GPR158: variants seen among roughly 807,000 people sequenced by gnomAD.
GPR158 encodes the protein metabotropic glycine receptor.
Under a neutral mutation model 78.2 loss-of-function variants are expected in GPR158, and 30 were observed. The observed-to-expected ratio is 0.38, with a 90% CI of 0.29 to 0.52. The LOEUF (loss-of-function observed/expected upper bound fraction) is 0.52. Ranked by LOEUF, GPR158 falls within the 20% of genes least tolerant of loss-of-function variation. GPR158 has a pLI of 0.83. For missense variants in GPR158, 1,463 were observed against 1,523.5 expected (o/e 0.96, Z 0.66); for synonymous variants, 581 against 591.1 (o/e 0.98, Z 0.25).
intron 7 of GPR158, among the ~76,000 whole-genome samples, chr10:25,574,095 TCCTTGTA>T (rs1295185940): frequency 6.9e-6 from 1 of 145,148 alleles, no homozygotes; most frequent in African/African-American, 2.6e-5. Flanking sequence ...AAAAATCATT[TCCTTGTA>T]TTCTTATGAA....
At chr10:25,507,427 ACTAT>A (rs909589869) in intron 5 of GPR158, among the ~76,000 whole-genome samples, 2 of 152,216 alleles carry the variant, frequency 1.3e-5, no homozygotes, top group African/African-American at 4.8e-5. Context: ...GATAGAAAAC[ACTAT>A]CTATAAAACA....
intron 2 of GPR158, among the ~76,000 whole-genome samples, chr10:25,391,158 G>A (rs1178508443): frequency 6.6e-6 from 1 of 152,250 alleles, no homozygotes; most frequent in East Asian, 1.9e-4. Context: ...CCAGTCAGAG[G>A]TGTGCTGCAG....
chr10:25,230,312 G>A (rs942676304), intron 2 of GPR158, among the ~76,000 whole-genome samples: 3 of 152,188 alleles, frequency 2.0e-5, no homozygotes, highest in African/African-American at 7.2e-5. Context: ...TAAGTCAACA[G>A]TATGGTGTGG....
chr10:25,508,812 C>G (rs1836047181), intron 5 of GPR158, among the ~76,000 whole-genome samples: 1 of 152,186 alleles, frequency 6.6e-6, no homozygotes, highest in South Asian at 2.1e-4. Flanking sequence ...GGGTATTTGA[C>G]CAGCCCCTCT....
At chr10:25,335,546 T>G (rs1855185901) in intron 2 of GPR158, among the ~76,000 whole-genome samples, 2 of 152,032 alleles carry the variant, frequency 1.3e-5, no homozygotes, top group African/African-American at 4.8e-5. Flanking sequence ...TTTTCCTAAA[T>G]GCAGGAGTTT....
At chr10:25,588,852 A>G (rs1837303611) in intron 7 of GPR158, among the ~76,000 whole-genome samples, 155 bp from the exon 8 acceptor site, 1 of 152,250 alleles carries the variant, frequency 6.6e-6, no homozygotes, top group African/African-American at 2.4e-5. Flanking sequence ...AATGAAATTT[A>G]AAAATATATG....
intron 2 of GPR158, among the ~76,000 whole-genome samples, chr10:25,263,469 C>T (rs1364328083): frequency 1.3e-5 from 2 of 152,096 alleles, no homozygotes; most frequent in East Asian, 3.9e-4. Context: ...CAACTTTGTT[C>T]TCCTTCTGAT....
intron 2 of GPR158, among the ~76,000 whole-genome samples, chr10:25,308,607 G>A (rs934637395): frequency 7.9e-5 from 12 of 152,090 alleles, no homozygotes; most frequent in South Asian, 2.1e-4. Context: ...CAGTTCAGTG[G>A]CACTAAGCAC....
chr10:25,282,339 A>G (rs915305732), intron 2 of GPR158, among the ~76,000 whole-genome samples: 2 of 152,162 alleles, frequency 1.3e-5, no homozygotes, highest in Non-Finnish European at 1.5e-5. Flanking sequence ...GTAGTATTCC[A>G]TTGTAGGGAT....
At position 25,175,693 on chromosome 10, in the gene GPR158, C is replaced by G; in HGVS notation, c.273C>G (p.Ser91=). 1 of 1,611,828 alleles carries G rather than the reference C, an allele frequency of 6.2e-7. No homozygotes were observed. The highest frequency in any genetic ancestry group is 1.1e-5 in the South Asian group (1 of 91,082). The stretch of plus-strand genomic sequence containing the variant: ...CCTCTTACCTCTACACCGGGGACTC[C>G]CACCAGCTGAAGCGAGCCAACTGCT... ...DVASYLYTGD[S]HQLKRANCSG... Residue 91 remains serine (S), a synonymous_variant, in exon 1 of 11, where the codon TCC becomes TCG. Coordinates refer to ENST00000376351, the MANE Select transcript of GPR158 (RefSeq NM_020752.3). The surrounding 1 kb of genome is among the most constrained non-coding windows in gnomAD (Gnocchi z 6.4).
At chr10:25,539,946 A>G (rs1389966136) in intron 5 of GPR158, among the ~76,000 whole-genome samples, 1 of 152,200 alleles carries the variant, frequency 6.6e-6, no homozygotes, top group Admixed American at 6.5e-5. Context: ...AGAAAAATAT[A>G]AGAATTTTAG....
chr10:25,317,663 G>T (rs976114760), intron 2 of GPR158, among the ~76,000 whole-genome samples: 4 of 150,582 alleles, frequency 2.7e-5, no homozygotes, highest in African/African-American at 9.8e-5. Flanking sequence ...TTGTGTTTAG[G>T]TTTAAATCAG....
At chr10:25,216,110 G>T (rs1853209220) in intron 1 of GPR158, among the ~76,000 whole-genome samples, 1 of 152,106 alleles carries the variant, frequency 6.6e-6, no homozygotes, top group Non-Finnish European at 1.5e-5. Flanking sequence ...GCTTTTGCTT[G>T]TTCCCAAAGC....
chr10:25,263,883 G>A (rs1413998898), intron 2 of GPR158, among the ~76,000 whole-genome samples: 4 of 152,200 alleles, frequency 2.6e-5, no homozygotes, highest in Non-Finnish European at 5.9e-5. Flanking sequence ...ATTGCAGTGA[G>A]CTGATACAGT....
chr10:25,523,070 C>T (rs1836299876), intron 5 of GPR158, among the ~76,000 whole-genome samples: 1 of 152,194 alleles, frequency 6.6e-6, no homozygotes, highest in African/African-American at 2.4e-5. Flanking sequence ...CAGTCAAGCC[C>T]TTCATCACTT....
chr10:25,580,668 A>G (rs750268580), intron 7 of GPR158, among the ~76,000 whole-genome samples: 5 of 152,112 alleles, frequency 3.3e-5, no homozygotes, highest in Non-Finnish European at 7.4e-5. Flanking sequence ...TTTTATTCCA[A>G]TATGTCATAT....
chr10:25,388,156 C>A (rs570211489), intron 2 of GPR158, among the ~76,000 whole-genome samples: 8 of 152,256 alleles, frequency 5.3e-5, no homozygotes, highest in African/African-American at 1.9e-4. Context: ...TGTTAAGGTT[C>A]ATCAAAGTAG....
At chr10:25,315,399 C>T (rs372168361) in intron 2 of GPR158, among the ~76,000 whole-genome samples, 3 of 152,198 alleles carry the variant, frequency 2.0e-5, no homozygotes, top group East Asian at 1.9e-4. Context: ...TTAGAGTCTA[C>T]TTTGATAGCA....
chr10:25,331,834 CA>C (rs1855128271), intron 2 of GPR158, among the ~76,000 whole-genome samples: 1 of 151,888 alleles, frequency 6.6e-6, no homozygotes, highest in African/African-American at 2.4e-5. Context: ...GGATTTGATT[CA>C]AAATAATATG....
Sources: gnomAD v4.1 joint callset for allele counts (sites outside exome capture counted in the v4.1 genomes callset) on GRCh38, gnomAD v4.1.1 for gene constraint, Gnocchi (gnomAD v3.1) non-coding constraint, MANE v1.5 for transcripts, NCBI Gene and HGNC (gene_info 2026-07-23, HGNC 2026-07-21) for gene names.